The following CUL5 variants were observed in gnomAD, a reference collection of about 807,000 sequenced individuals.
CUL5 encodes cullin 5, also known as cullin-5.
In CUL5, 26 loss-of-function variants were observed where a neutral mutation model predicts 108.8. The observed-to-expected ratio is 0.24, with a 90% CI of 0.18 to 0.33. The LOEUF is 0.33. Among genes scored for constraint, CUL5 ranks in the 10% least tolerant of loss-of-function variants. CUL5 has a pLI of 1.00. For missense variants in CUL5, 524 were observed against 909.2 expected (o/e 0.58, Z 5.45); for synonymous variants, 334 against 298.0 (o/e 1.12, Z -1.25).
At chr11:108,071,337 T>C (rs1863814850) in intron 8 of CUL5, among the ~76,000 whole-genome samples, 1 of 152,130 alleles carries the variant, frequency 6.6e-6, no homozygotes, top group African/African-American at 2.4e-5. Context: ...CACAATTCAC[T>C]GTAGCCTTGA....
chr11:108,017,585 C>T (rs1422757933), intron 1 of CUL5, among the ~76,000 whole-genome samples: 2 of 151,918 alleles, frequency 1.3e-5, no homozygotes, highest in East Asian at 1.9e-4. Flanking sequence ...TGCGGAGGCT[C>T]ACGCCTGTAA....
chr11:108,036,141 T>G (rs1862737192), intron 2 of CUL5, among the ~76,000 whole-genome samples: 1 of 152,240 alleles, frequency 6.6e-6, no homozygotes, highest in Non-Finnish European at 1.5e-5. Context: ...AAACTGCATT[T>G]AAAATTCCAA....
At chr11:108,054,576 A>C in intron 5 of CUL5, 71 bp from the exon 6 acceptor site, 1 of 1,106,820 alleles carries the variant, frequency 9.0e-7, no homozygotes, top group East Asian at 2.5e-5. Flanking sequence ...CTCAATATTT[A>C]TTTCATTTAT....
chr11:108,068,526 C>G (rs930794428), intron 7 of CUL5, among the ~76,000 whole-genome samples: 2 of 151,918 alleles, frequency 1.3e-5, no homozygotes, highest in African/African-American at 4.8e-5. Context: ...TAATGAATCC[C>G]CATTACCTAA....
chr11:108,088,466 G>A, intron 11 of CUL5, 61 bp from the exon 12 acceptor site: 1 of 1,512,106 alleles, frequency 6.6e-7, no homozygotes, highest in South Asian at 1.3e-5. Context: ...ATTGACTTTA[G>A]AAAAAAATAA....
At position 108,106,763 on chromosome 11, in the gene CUL5, C is replaced by G. The variant is rs755690119; in HGVS notation, c.*2379C>G. ...CTTTATTCAGGTCTCTTCTCTCCAG[C>G]GTACACTTAAAATTGGTGCCGAGCA... is the stretch of plus-strand genomic sequence containing the variant. On this transcript the variant is annotated 3_prime_UTR_variant, in exon 19 of 19. Coordinates refer to ENST00000393094, the MANE Select transcript of CUL5 (RefSeq NM_003478.6). 1 of 148,424 alleles carries G rather than the reference C, an allele frequency of 6.7e-6. No homozygotes were observed. The allele number at this position is 148,424 out of a possible 1,614,324, so 9.2% of individuals were successfully genotyped here. A position where few individuals can be genotyped will look rare whatever the true frequency, so the allele number is the denominator to read the frequency against.
At chr11:108,100,037 A>G (rs1370708324) in intron 18 of CUL5, among the ~76,000 whole-genome samples, 1 of 152,014 alleles carries the variant, frequency 6.6e-6, no homozygotes, top group Non-Finnish European at 1.5e-5. Context: ...TGATATTAAT[A>G]TCAAGTTCAA....
In CUL5 at chr11:108,043,112, G is replaced by A. The variant is rs370283266; in HGVS notation, c.135-3158G>A. On this transcript the variant is annotated intron_variant, in intron 2 of 18. Transcript: ENST00000393094. ...TTTAGAGGCAGGGCATTACTCTGTC[G>A]CTCAGGCTGGAGTGCAGTGGCACAA... 8.8e-4 allele frequency among the ~76,000 whole-genome samples: 134 copies of A among 152,202 alleles called. 1 individual carries two copies. The highest frequency in any genetic ancestry group is 2.7e-3 in the African/African-American group (111 of 41,538).
chr11:108,081,796 T>C (rs1864093077), intron 11 of CUL5, among the ~76,000 whole-genome samples: 1 of 152,196 alleles, frequency 6.6e-6, no homozygotes, highest in Non-Finnish European at 1.5e-5. Context: ...TATTTTTGAA[T>C]GCTTAGTTCA....
In CUL5 at chr11:108,104,480, T is replaced by C. The variant is rs184244610; in HGVS notation, c.*96T>C. On this transcript the variant is annotated 3_prime_UTR_variant, in exon 19 of 19. Coordinates refer to ENST00000393094, the MANE Select transcript of CUL5 (RefSeq NM_003478.6). ...GCTGGAGAAAGGTTTATTTGGACTT[T>C]GATTACATAAATATTAAAATCTCTG... 233 of 734,964 alleles carry C rather than the reference T, an allele frequency of 3.2e-4. 1 individual carries two copies. In the African/African-American group the frequency reaches 4.1e-3, roughly 13 times the overall value. The allele number at this position is 734,964 out of a possible 1,614,324, so 45.5% of individuals were successfully genotyped here. A position where few individuals can be genotyped will look rare whatever the true frequency, so the allele number is the denominator to read the frequency against.
chr11:108,096,785 C>T (rs1296534554), intron 16 of CUL5, among the ~76,000 whole-genome samples: 1 of 151,914 alleles, frequency 6.6e-6, no homozygotes, highest in Non-Finnish European at 1.5e-5. Context: ...AGGCTAGTCT[C>T]AAACTCCTGA....
At chr11:108,012,285 C>T (rs527788266) in intron 1 of CUL5, among the ~76,000 whole-genome samples, 2 of 152,066 alleles carry the variant, frequency 1.3e-5, no homozygotes, top group Admixed American at 6.6e-5. Context: ...TTTATTGTTC[C>T]ACCCCAAACA....
intron 1 of CUL5, among the ~76,000 whole-genome samples, chr11:108,019,595 G>A (rs1862280793): frequency 6.6e-6 from 1 of 152,134 alleles, no homozygotes; most frequent in Non-Finnish European, 1.5e-5. Flanking sequence ...TAACGTAGTA[G>A]TGCAATAACA....
chr11:108,082,743 C>G (rs1417664017), intron 11 of CUL5, among the ~76,000 whole-genome samples: 1 of 152,034 alleles, frequency 6.6e-6, no homozygotes, highest in African/African-American at 2.4e-5. Flanking sequence ...CTCCTGGGCT[C>G]AAGCCTCCAC....
chr11:108,010,196 A>G (rs1263755019), intron 1 of CUL5, among the ~76,000 whole-genome samples: 1 of 152,230 alleles, frequency 6.6e-6, no homozygotes, highest in African/African-American at 2.4e-5. Flanking sequence ...ATTTGCCTTA[A>G]AAGTACGGAC....
Position 108,089,567 on chromosome 11 carries a change from A to T in CUL5, c.1387A>T (p.Ile463Leu). Residue 463 changes from isoleucine (I) to leucine (L), a missense_variant, in exon 13 of 19, where the codon ATA becomes TTA. This residue lies in a region of CUL5 where 76 missense variants were observed against 168.3 expected (regional missense o/e 0.45). Coordinates refer to ENST00000393094, the MANE Select transcript of CUL5 (RefSeq NM_003478.6). The part of the protein sequence containing the change: ...YHKAHLTRRL[I>L]LDISADSEIE... ...TAAAGCTCATTTGACACGACGTCTT[A>T]TATTAGACATCTCTGCCGATAGTGA... 6.4e-7 allele frequency: 1 copy of T among 1,567,538 alleles called. No individual in the cohort carries two copies. Among genetic ancestry groups the T allele is most frequent in the Non-Finnish European group, 8.6e-7 (1 of 1,162,612 alleles).
At chr11:108,067,046 G>A (rs573551674) in intron 7 of CUL5, among the ~76,000 whole-genome samples, 1 of 152,284 alleles carries the variant, frequency 6.6e-6, no homozygotes, top group South Asian at 2.1e-4. Flanking sequence ...AGGCTATGGA[G>A]ATACATACCT....
At chr11:108,096,562 T>A (rs1043425041) in intron 16 of CUL5, among the ~76,000 whole-genome samples, 1 of 133,646 alleles carries the variant, frequency 7.5e-6, no homozygotes, top group African/African-American at 2.8e-5. Flanking sequence ...ACCAGCTATG[T>A]ACTTTTTTTT....
chr11:108,096,632 T>G (rs1407172177), intron 16 of CUL5, among the ~76,000 whole-genome samples: 1 of 132,218 alleles, frequency 7.6e-6, no homozygotes, highest in Non-Finnish European at 1.6e-5. Context: ...AATGGCGCAA[T>G]CTCAGCTCAC....
Sources: allele counts gnomAD v4.1 joint callset (sites outside exome capture counted in the v4.1 genomes callset), GRCh38; gene constraint gnomAD v4.1.1; regional missense constraint gnomAD v4.1.1; transcripts MANE v1.5; gene names NCBI Gene and HGNC (gene_info 2026-07-23, HGNC 2026-07-21).